The following EPB41L5 variants were observed in gnomAD, a reference collection of about 807,000 sequenced individuals.
EPB41L5 encodes erythrocyte membrane protein band 4.1 like 5, also known as band 4.1-like protein 5.
Under a neutral mutation model 106.6 loss-of-function variants are expected in EPB41L5, and 55 were observed. The observed-to-expected ratio is 0.52, with a 90% CI of 0.42 to 0.65. The LOEUF (loss-of-function observed/expected upper bound fraction) is 0.65. Ranked by LOEUF, EPB41L5 falls within the 30% of genes least tolerant of loss-of-function variation. EPB41L5 has a pLI of 0.00. For missense variants in EPB41L5, 871 were observed against 882.1 expected (o/e 0.99, Z 0.16); for synonymous variants, 297 against 306.7 (o/e 0.97, Z 0.33).
intron 16 of EPB41L5, among the ~76,000 whole-genome samples, chr2:120,115,778 A>G (rs139272980): frequency 2.6e-5 from 4 of 151,754 alleles, no homozygotes; most frequent in Non-Finnish European, 5.9e-5. Flanking sequence ...ATGTTATGTG[A>G]TATGTTATGT....
At chr2:120,068,151 A>G (rs1681577358) in intron 3 of EPB41L5, among the ~76,000 whole-genome samples, 1 of 152,222 alleles carries the variant, frequency 6.6e-6, no homozygotes, top group South Asian at 2.1e-4. Context: ...AGAGTAAGGC[A>G]TCGCCTCATC....
chr2:120,090,138 G>C (rs1200031703), intron 11 of EPB41L5, among the ~76,000 whole-genome samples: 1 of 151,488 alleles, frequency 6.6e-6, no homozygotes, highest in East Asian at 1.9e-4. Context: ...AAGTAGAGGG[G>C]AATAACTCCT....
intron 13 of EPB41L5, 150 bp from the exon 14 acceptor site, chr2:120,093,099 A>C (rs969723636): frequency 1.4e-6 from 1 of 702,534 alleles, no homozygotes; most frequent in African/African-American, 1.8e-5. Flanking sequence ...CTATCTCTAC[A>C]AAATCATGAA....
chr2:120,144,444 C>G (rs1257018001), intron 19 of EPB41L5, among the ~76,000 whole-genome samples: 1 of 152,178 alleles, frequency 6.6e-6, no homozygotes, highest in Non-Finnish European at 1.5e-5. Context: ...AAATCATTAC[C>G]TTACATTTCA....
At chr2:120,144,007 G>A (rs1686293797) in intron 19 of EPB41L5, among the ~76,000 whole-genome samples, 1 of 152,154 alleles carries the variant, frequency 6.6e-6, no homozygotes, top group Admixed American at 6.5e-5. Context: ...ATAATTAAAG[G>A]ACATGGAATA....
intron 24 of EPB41L5, among the ~76,000 whole-genome samples, chr2:120,173,492 A>G (rs921248536): frequency 2.0e-5 from 3 of 152,138 alleles, no homozygotes; most frequent in African/African-American, 7.2e-5. Flanking sequence ...AATTCTAGAG[A>G]CCCCACTTTG....
chr2:120,102,532 A>G (rs1260929387), intron 16 of EPB41L5, among the ~76,000 whole-genome samples: 1 of 152,144 alleles, frequency 6.6e-6, no homozygotes, highest in Non-Finnish European at 1.5e-5. Flanking sequence ...TTTTTTCTGC[A>G]TGCTTTGATT....
At chr2:120,038,491 C>T (rs1049575832) in intron 2 of EPB41L5, among the ~76,000 whole-genome samples, 17 of 152,274 alleles carry the variant, frequency 1.1e-4, no homozygotes, top group South Asian at 1.0e-3. Flanking sequence ...GTTAAACATA[C>T]GGCTGGGTGC....
At chr2:120,075,596 G>T in intron 6 of EPB41L5, 76 bp downstream of exon 6, 1 of 1,428,268 alleles carries the variant, frequency 7.0e-7, no homozygotes, top group Non-Finnish European at 9.8e-7. Context: ...TAAGTTTATA[G>T]TTGTAAAAAA....
intron 16 of EPB41L5, among the ~76,000 whole-genome samples, chr2:120,119,906 A>G (rs1476063691): frequency 1.3e-5 from 2 of 152,216 alleles, no homozygotes; most frequent in African/African-American, 4.8e-5. Flanking sequence ...AAATTATATT[A>G]AGCTCAAAGA....
intron 10 of EPB41L5, among the ~76,000 whole-genome samples, chr2:120,083,248 A>C (rs1002375915): frequency 6.6e-6 from 1 of 152,196 alleles, no homozygotes; most frequent in Non-Finnish European, 1.5e-5. Context: ...ATTTAGTGCT[A>C]TAAATTTCCC....
chr2:120,161,605 G>A (rs1268810192), intron 21 of EPB41L5, among the ~76,000 whole-genome samples: 3 of 152,154 alleles, frequency 2.0e-5, no homozygotes, highest in Non-Finnish European at 4.4e-5. Context: ...AAAGAATTAA[G>A]GGATCTTTTT....
At position 120,019,248 on chromosome 2, in the gene EPB41L5, T is replaced by C. The variant is rs763579118; in HGVS notation, c.164T>C (p.Val55Ala). ...CRVSLLDGTD[V>A]SVDLPKKAKG... ...GTGTCCCTTCTGGATGGTACTGATG[T>C]TAGTGTGGACTTGCCAGTAAGTAGG... is the stretch of plus-strand genomic sequence containing the variant. The change falls in exon 2 of 25, where the codon GTT (valine) becomes GCT (alanine). Residue 55 changes from valine to alanine, a missense_variant. Coordinates refer to ENST00000263713, the MANE Select transcript of EPB41L5 (RefSeq NM_020909.4). 21 of 1,608,510 alleles carry C rather than the reference T, an allele frequency of 1.3e-5. No individual in the cohort carries two copies. Among genetic ancestry groups the C allele is most frequent in the Non-Finnish European group, 1.8e-5 (21 of 1,178,182 alleles).
intron 18 of EPB41L5, among the ~76,000 whole-genome samples, chr2:120,136,261 TACAC>T (rs1685919960): frequency 6.8e-6 from 1 of 147,684 alleles, no homozygotes; most frequent in African/African-American, 2.5e-5. Context: ...CTACAACAGA[TACAC>T]AAAGAAATAA....
At chr2:120,017,551 A>G (rs1248274201) in intron 1 of EPB41L5, among the ~76,000 whole-genome samples, 1 of 152,218 alleles carries the variant, frequency 6.6e-6, no homozygotes, top group African/African-American at 2.4e-5. Context: ...TTGTGTTTCC[A>G]TTTAGTGTGC....
intron 3 of EPB41L5, among the ~76,000 whole-genome samples, chr2:120,054,451 G>A (rs1156866531): frequency 3.3e-5 from 5 of 151,846 alleles, no homozygotes; most frequent in Non-Finnish European, 7.4e-5. Context: ...TCTATCAAAC[G>A]ATTGCCTATT....
chr2:120,048,297 T>G (rs922839163), intron 3 of EPB41L5, among the ~76,000 whole-genome samples: 2 of 152,168 alleles, frequency 1.3e-5, no homozygotes, highest in Non-Finnish European at 2.9e-5. Context: ...CCTGGGCTTT[T>G]TTTTGGTTGG....
chr2:120,078,512 ATAG>A lies in EPB41L5; in HGVS notation c.736_738del (p.Ser246del). On this transcript the variant is annotated inframe_deletion, in exon 10 of 25. Transcript: ENST00000263713. ...AATTAGGCTAGAGATGGGAATGACT[ATAG>A]TTTGGGACTAACACCAACAGGAGTC... 2 of 1,608,260 alleles carry A rather than the reference ATAG, an allele frequency of 1.2e-6. No individual in the cohort carries two copies. The highest frequency in any genetic ancestry group is 1.7e-6 in the Non-Finnish European group (2 of 1,177,524).
At chr2:120,129,625 T>C (rs1430081474) in intron 17 of EPB41L5, among the ~76,000 whole-genome samples, 1 of 152,188 alleles carries the variant, frequency 6.6e-6, no homozygotes, top group Non-Finnish European at 1.5e-5. Flanking sequence ...AATACATACT[T>C]TTTGCAAAAT....
Sources: gnomAD v4.1 joint callset for allele counts (sites outside exome capture counted in the v4.1 genomes callset) on GRCh38, gnomAD v4.1.1 for gene constraint, MANE v1.5 for transcripts, NCBI Gene and HGNC (gene_info 2026-07-23, HGNC 2026-07-21) for gene names.